The following PRSS16 variants were observed in gnomAD, a reference collection of about 807,000 sequenced individuals.
PRSS16 encodes thymus-specific serine protease.
In PRSS16, 43 loss-of-function variants were observed where a neutral mutation model predicts 61.7. The observed-to-expected ratio is 0.70, with a 90% CI of 0.55 to 0.90. PRSS16 has a LOEUF of 0.90. Ranked by LOEUF, PRSS16 falls within the 40% of genes least tolerant of loss-of-function variation. The probability of loss-of-function intolerance (pLI) is 0.00; values close to 1 mark genes in which losing one functional copy is unlikely to be tolerated. For missense variants in PRSS16, 591 were observed against 659.1 expected (o/e 0.90, Z 1.13); for synonymous variants, 273 against 285.2 (o/e 0.96, Z 0.43).
Position 27,254,981 on chromosome 6 carries a change from T to A in PRSS16, c.1331-5T>A. 6.2e-7 allele frequency: 1 copy of A among 1,612,718 alleles called. No individual in the cohort carries two copies. The highest frequency in any genetic ancestry group is 8.5e-7 in the Non-Finnish European group (1 of 1,178,798). ...ACCTAGCCCCATCCTATCCTTTCTT[T>A]CCAGGGGACACAGACCCCTGGCATG... On this transcript the variant is annotated splice_region_variant and splice_polypyrimidine_tract_variant and intron_variant, in intron 10 of 11. Transcript: ENST00000230582.
Position 27,251,858 on chromosome 6 carries a change from G to A in PRSS16, c.826G>A (p.Gly276Ser). Residue 276 changes from glycine to serine, a missense_variant, in exon 8 of 12, where the codon GGC becomes AGC. By Grantham distance (56) the Gly-to-Ser change is moderately conservative. Transcript: ENST00000230582. The surrounding 1 kb of genome is among the most constrained non-coding windows in gnomAD (Gnocchi z 5.6). ...RTELSACGPL[G>S]RAENQAELLG... is the part of the protein sequence containing the mutation. ...GGAGCTGAGCGCTTGCGGGCCCCTG[G>A]GCCGCGCTGAAAACCAGGCGGAGCT... is the stretch of plus-strand genomic sequence containing the variant. 3.7e-6 allele frequency: 6 copies of A among 1,613,266 alleles called. No individual in the cohort carries two copies. Among genetic ancestry groups the A allele is most frequent in the Non-Finnish European group, 5.1e-6 (6 of 1,179,784 alleles).
Position 27,251,993 on chromosome 6 carries a change from AAC to A in PRSS16, c.962_963del (p.Asn321ThrfsTer49). On this transcript the variant is annotated frameshift_variant, in exon 8 of 12. Transcript: ENST00000230582. LOFTEE classifies it high-confidence loss of function. This position sits in a 1 kb window ranked among gnomAD's most constrained non-coding sequence, Gnocchi z 5.6. ...CGGACTTCTCCTCGGGGGCGGGGGC[AAC>A]CGCAGCCACTCCACGCCCTACTGCG... is the stretch of plus-strand genomic sequence containing the variant. ...LCGLLLGGGG[N>X]RSHSTPYCGL... The A allele has an allele frequency of 6.3e-7, 1 of 1,582,536 alleles. No homozygotes were observed. The highest frequency in any genetic ancestry group is 8.6e-7 in the Non-Finnish European group (1 of 1,166,076).
At chr6:27,250,657 C>G in intron 4 of PRSS16, 26 bp from the exon 5 acceptor site, 2 of 1,573,476 alleles carry the variant, frequency 1.3e-6, no homozygotes, top group Non-Finnish European at 1.7e-6. Flanking sequence ...CGATGAGGAC[C>G]GACCGAGTCC....
chr6:27,255,305 G>A lies in PRSS16; in HGVS notation c.1535G>A (p.Gly512Asp), dbSNP rs895306971. 1 of 1,600,190 alleles carries A rather than the reference G, an allele frequency of 6.2e-7. No individual in the cohort carries two copies. ...CTGGCAAAGGAGAGCCAGATTAAGG[G>A]TGAAGTCTGAATCTCATACCCTTTC... is the stretch of plus-strand genomic sequence containing the variant. The part of the protein sequence containing the change: ...LKLAKESQIK[G>D]EV Residue 512 changes from glycine to aspartate, a missense_variant, in exon 12 of 12, where the codon GGT (glycine) becomes GAT (aspartate). By Grantham distance (94) the Gly-to-Asp change is moderately conservative. Coordinates refer to ENST00000230582, the MANE Select transcript of PRSS16 (RefSeq NM_005865.4). The surrounding 1 kb of genome is among the most constrained non-coding windows in gnomAD (Gnocchi z 4.4).
In PRSS16 at chr6:27,251,690, G is replaced by C. The variant is rs1759907695; in HGVS notation, c.718-60G>C. 2 of 1,541,506 alleles carry C rather than the reference G, an allele frequency of 1.3e-6. No homozygotes were observed. The highest frequency in any genetic ancestry group is 1.4e-5 in the African/African-American group (1 of 72,290). ...GAACCCAAGGAGGACGCAGGTCCTG[G>C]GTAGGGAAAGCCGAGGCCCAGCCTA... On this transcript the variant is annotated intron_variant, in intron 7 of 11. Transcript: ENST00000230582. This position sits in a 1 kb window ranked among gnomAD's most constrained non-coding sequence, Gnocchi z 5.6.
chr6:27,252,781 G>C lies in PRSS16; in HGVS notation c.1009-27G>C. The C allele has an allele frequency of 6.2e-7, 1 of 1,613,422 alleles. No homozygotes were observed. Among genetic ancestry groups the C allele is most frequent in the Non-Finnish European group, 8.5e-7 (1 of 1,179,786 alleles). ...TGCTGGGAAGAGAGGAGGAATTTAT[G>C]TCTTATGTATGTACATTGTTCCCTA... On this transcript the variant is annotated intron_variant, in intron 8 of 11. Coordinates refer to ENST00000230582, the MANE Select transcript of PRSS16 (RefSeq NM_005865.4). This position sits in a 1 kb window ranked among gnomAD's most constrained non-coding sequence, Gnocchi z 4.2.
intron 5 of PRSS16, 46 bp downstream of exon 5, chr6:27,250,852 C>A: frequency 6.3e-7 from 1 of 1,575,064 alleles, no homozygotes. Context: ...AACTCGGACT[C>A]CAGGGCCCCA....
chr6:27,248,904 C>G lies in PRSS16; in HGVS notation c.295C>G (p.Leu99Val). 6.2e-7 allele frequency: 1 copy of G among 1,613,046 alleles called. No individual in the cohort carries two copies. Among genetic ancestry groups the G allele is most frequent in the Non-Finnish European group, 8.5e-7 (1 of 1,179,446 alleles). The change falls in exon 3 of 12, where the codon CTA (leucine) becomes GTA (valine). Residue 99 changes from leucine (L) to valine (V), a missense_variant. Leu to Val is a conservative substitution (Grantham distance 32). Coordinates refer to ENST00000230582, the MANE Select transcript of PRSS16 (RefSeq NM_005865.4). Reference sequence around the variant, plus strand: ...CCAGGATGGACCCATATTCCTGCATCTAGGGGGTGAGGGCAGCCTTGGGCC... The same window carrying G: ...CCAGGATGGACCCATATTCCTGCATGTAGGGGGTGAGGGCAGCCTTGGGCC... The part of the protein sequence containing the change: ...VGQDGPIFLH[L>V]GGEGSLGPGS...
chr6:27,251,043 T>A lies in PRSS16; in HGVS notation c.593T>A (p.Phe198Tyr). 3 of 1,613,770 alleles carry A rather than the reference T, an allele frequency of 1.9e-6. No homozygotes were observed. The highest frequency in any genetic ancestry group is 1.7e-6 in the Non-Finnish European group (2 of 1,179,990). The change falls in exon 6 of 12, where the codon TTC becomes TAC. Residue 198 changes from phenylalanine to tyrosine, a missense_variant and splice_region_variant. Transcript: ENST00000230582. This position sits in a 1 kb window ranked among gnomAD's most constrained non-coding sequence, Gnocchi z 5.6. ...GGCTGACGGCGTCTCCTCCCTTAGTTCCCCCATCTCATTTTCGCGTCGGTC... is the reference window on the plus strand; with the variant it reads ...GGCTGACGGCGTCTCCTCCCTTAGTACCCCCATCTCATTTTCGCGTCGGTC... ...GSLAAWARLK[F>Y]PHLIFASVAS...
At chr6:27,248,323 C>T (rs1761265781) in intron 2 of PRSS16, among the ~76,000 whole-genome samples, 1 of 151,912 alleles carries the variant, frequency 6.6e-6, no homozygotes, top group African/African-American at 2.4e-5. Context: ...ACTGCTCCTC[C>T]CTACCCCCTT....
chr6:27,247,947 G>A lies in PRSS16; in HGVS notation c.136G>A (p.Gly46Ser). 1 of 1,606,650 alleles carries A rather than the reference G, an allele frequency of 6.2e-7. No homozygotes were observed. Among genetic ancestry groups the A allele is most frequent in the Non-Finnish European group, 8.5e-7 (1 of 1,176,740 alleles). ...QFQESSAQGL[G>S]LSLGPGAAAL... ...TCAGGAGAGCTCTGCCCAGGGCCTG[G>A]GCCTGAGCCTGGGGCCAGGTGCTGC... Residue 46 changes from glycine to serine, a missense_variant, in exon 2 of 12, where the codon GGC becomes AGC. Transcript: ENST00000230582.
intron 9 of PRSS16, chr6:27,253,858 C>A (rs959257941): frequency 6.4e-6 from 1 of 157,246 alleles, no homozygotes; most frequent in African/African-American, 2.4e-5. Flanking sequence ...ATTCCATAAA[C>A]CTCTTGCTAT....
intron 5 of PRSS16, 90 bp from the exon 6 acceptor site, chr6:27,250,952 G>T: frequency 6.3e-7 from 1 of 1,581,488 alleles, no homozygotes; most frequent in South Asian, 1.1e-5. Flanking sequence ...ACAAGAGCCC[G>T]AGATTACACA....
intron 10 of PRSS16, 36 bp downstream of exon 10, chr6:27,254,908 C>A (rs1422399111): frequency 6.2e-7 from 1 of 1,611,808 alleles, no homozygotes; most frequent in African/African-American, 1.3e-5. Flanking sequence ...GCTAAGCCTC[C>A]ACCTAGCCCC....
In PRSS16 at chr6:27,248,958, T is replaced by C; in HGVS notation, c.337+12T>C. The C allele has an allele frequency of 1.3e-6, 2 of 1,594,556 alleles. No homozygotes were observed. The highest frequency in any genetic ancestry group is 1.7e-6 in the Non-Finnish European group (2 of 1,167,234). ...CTCAGTGATGAGAGGTAAGAGGCAATGTTGGGGGAAAGGAGTTGGGATGCT... is the reference window on the plus strand; with the variant it reads ...CTCAGTGATGAGAGGTAAGAGGCAACGTTGGGGGAAAGGAGTTGGGATGCT... On this transcript the variant is annotated intron_variant, in intron 3 of 11. Coordinates refer to ENST00000230582, the MANE Select transcript of PRSS16 (RefSeq NM_005865.4).
Position 27,252,094 on chromosome 6 carries a change from C to G in PRSS16, c.1008+54C>G. ...AGTTAGCGGACAAAGATTCCTGCCC[C>G]ACTTCCGTTGTGTGATCTTGGGCAA... is the stretch of plus-strand genomic sequence containing the variant. On this transcript the variant is annotated intron_variant, in intron 8 of 11. Transcript: ENST00000230582. The surrounding 1 kb of genome is among the most constrained non-coding windows in gnomAD (Gnocchi z 4.2). 1 of 1,436,402 alleles carries G rather than the reference C, an allele frequency of 7.0e-7. No individual in the cohort carries two copies. The highest frequency in any genetic ancestry group is 9.1e-7 in the Non-Finnish European group (1 of 1,099,044). The allele number at this position is 1,436,402 out of a possible 1,614,324, so 89.0% of individuals were successfully genotyped here.
rs1581476376 is a variant in PRSS16, at chr6:27,252,176, A to T, written c.1008+136A>T. 4.6e-6 allele frequency: 5 copies of T among 1,081,724 alleles called. No individual in the cohort carries two copies. In the African/African-American group the frequency reaches 6.4e-5, roughly 14 times the overall value. 67.0% of individuals were successfully genotyped at this position (1,081,724 alleles called of 1,614,324 possible). A position where few individuals can be genotyped will look rare whatever the true frequency, so the allele number is the denominator to read the frequency against. ...ATCTGTAAAATGGGGATAACACTTC[A>T]CAGGGCCGATGGGAAGATGAAATGA... On this transcript the variant is annotated intron_variant, in intron 8 of 11. Transcript: ENST00000230582. This position sits in a 1 kb window ranked among gnomAD's most constrained non-coding sequence, Gnocchi z 4.2.
In PRSS16 at chr6:27,255,070, A is replaced by G. The variant is rs1760002162; in HGVS notation, c.1415A>G (p.His472Arg). Residue 472 changes from histidine to arginine, a missense_variant, in exon 11 of 12, where the codon CAC (histidine) becomes CGC (arginine). By Grantham distance (29) the His-to-Arg change is conservative. Coordinates refer to ENST00000230582, the MANE Select transcript of PRSS16 (RefSeq NM_005865.4). This position sits in a 1 kb window ranked among gnomAD's most constrained non-coding sequence, Gnocchi z 4.4. ...ACTCTTCTTATCCGCACTGGCTCCC[A>G]CTGCTTGGACATGGCACCTGAGAGG... ...ESTLLIRTGS[H>R]CLDMAPERPS... 3.7e-6 allele frequency: 6 copies of G among 1,614,118 alleles called. No homozygotes were observed. The highest frequency in any genetic ancestry group is 5.1e-6 in the Non-Finnish European group (6 of 1,180,020).
At position 27,247,702 on chromosome 6, in the gene PRSS16, A is replaced by C; in HGVS notation, c.-36A>C. The C allele has an allele frequency of 6.5e-7, 1 of 1,549,544 alleles. No individual in the cohort carries two copies. The highest frequency in any genetic ancestry group is 1.2e-5 in the South Asian group (1 of 84,036). On this transcript the variant is annotated 5_prime_UTR_variant, in exon 1 of 12. Transcript: ENST00000230582. Reference sequence around the variant, plus strand: ...AGGCCCGGCTGCTGAGGATAAGATAAAGGTCCTCCTGGGGGAGAACAGAGT... The same window carrying C: ...AGGCCCGGCTGCTGAGGATAAGATACAGGTCCTCCTGGGGGAGAACAGAGT...
Sources: allele counts gnomAD v4.1 joint callset (sites outside exome capture counted in the v4.1 genomes callset), GRCh38; gene constraint gnomAD v4.1.1; non-coding constraint Gnocchi (gnomAD v3.1); transcripts MANE v1.5; gene names NCBI Gene and HGNC (gene_info 2026-07-23, HGNC 2026-07-21).